The following PLPPR1 variants were observed in gnomAD, a reference collection of about 807,000 sequenced individuals.
PLPPR1 encodes phospholipid phosphatase related 1, also known as phospholipid phosphatase-related protein type 1.
PLPPR1 carries 10 observed loss-of-function variants against 33.1 expected under a neutral mutation model. The observed-to-expected ratio is 0.30, with a 90% confidence interval of 0.19 to 0.51. The LOEUF is 0.51. Among genes scored for constraint, PLPPR1 ranks in the 20% least tolerant of loss-of-function variants. PLPPR1 has a pLI of 0.97. For missense variants in PLPPR1, 304 were observed against 408.1 expected (o/e 0.74, Z 2.20); for synonymous variants, 151 against 151.0 (o/e 1.00, Z 0.00).
chr9:101,196,905 A>G (rs1826407056), intron 2 of PLPPR1, among the ~76,000 whole-genome samples: 1 of 152,104 alleles, frequency 6.6e-6, no homozygotes, highest in Admixed American at 6.5e-5. Context: ...CCTCGTGAGG[A>G]AATATTCAAA....
intron 1 of PLPPR1, among the ~76,000 whole-genome samples, chr9:101,119,487 A>C (rs1356667808): frequency 1.4e-4 from 22 of 152,240 alleles, no homozygotes. Flanking sequence ...AGGTATCTGC[A>C]TGTGAGAGTG....
intron 1 of PLPPR1, among the ~76,000 whole-genome samples, chr9:101,155,024 T>C (rs948715771): frequency 2.0e-5 from 3 of 150,326 alleles, no homozygotes; most frequent in African/African-American, 4.9e-5. Flanking sequence ...GATGAGTTAA[T>C]GGGTGTAGCA....
intron 1 of PLPPR1, among the ~76,000 whole-genome samples, chr9:101,146,918 T>C (rs75409833): frequency 0.018 from 2,757 of 152,336 alleles, 86 homozygotes; most frequent in African/African-American, 0.063. Context: ...TTTAAGAAAC[T>C]TCTGTTTCTG....
chr9:101,200,025 C>A (rs534101285), intron 2 of PLPPR1, among the ~76,000 whole-genome samples: 2 of 152,096 alleles, frequency 1.3e-5, no homozygotes, highest in Non-Finnish European at 2.9e-5. Context: ...TCCCCAGGGG[C>A]CTTGCAAACA....
chr9:101,060,046 T>A (rs184008270), intron 1 of PLPPR1, among the ~76,000 whole-genome samples: 1 of 152,042 alleles, frequency 6.6e-6, no homozygotes, highest in African/African-American at 2.4e-5. Flanking sequence ...TGATTCACAA[T>A]AGCTAAGATA....
intron 1 of PLPPR1, among the ~76,000 whole-genome samples, chr9:101,039,922 T>TAAA (rs36061660): frequency 7.4e-6 from 1 of 134,970 alleles, no homozygotes; most frequent in Non-Finnish European, 1.6e-5. Context: ...TATTGCCTCC[T>TAAA]AAAAAAAAAA....
intron 4 of PLPPR1, among the ~76,000 whole-genome samples, chr9:101,306,292 G>T (rs1828857947): frequency 6.6e-6 from 1 of 152,198 alleles, no homozygotes; most frequent in South Asian, 2.1e-4. Context: ...CTGGAGATTT[G>T]TATTTCCCAG....
chr9:101,252,142 G>T (rs916192517), intron 2 of PLPPR1, among the ~76,000 whole-genome samples: 3 of 152,058 alleles, frequency 2.0e-5, no homozygotes, highest in Non-Finnish European at 4.4e-5. Context: ...GCTATGTATG[G>T]CCACTTAAAT....
intron 1 of PLPPR1, among the ~76,000 whole-genome samples, chr9:101,135,866 A>G (rs1244932755): frequency 2.0e-5 from 3 of 152,162 alleles, no homozygotes; most frequent in African/African-American, 4.8e-5. Flanking sequence ...CAGGCTCTCA[A>G]TGAAGAAAGG....
chr9:101,318,054 G>A (rs1829087557), intron 7 of PLPPR1, among the ~76,000 whole-genome samples: 1 of 152,194 alleles, frequency 6.6e-6, no homozygotes, highest in Non-Finnish European at 1.5e-5. Flanking sequence ...ATAAGGAGCA[G>A]GCATGGTGGC....
At chr9:101,159,382 A>G (rs749381078) in intron 1 of PLPPR1, among the ~76,000 whole-genome samples, 17 of 152,202 alleles carry the variant, frequency 1.1e-4, no homozygotes, top group Non-Finnish European at 2.2e-4. Context: ...TTTTTCTTTG[A>G]AATTTGGGTA....
At chr9:101,124,457 T>C (rs1268183159) in intron 1 of PLPPR1, among the ~76,000 whole-genome samples, 5 of 152,234 alleles carry the variant, frequency 3.3e-5, no homozygotes, top group African/African-American at 9.6e-5. Context: ...TGCGGTTTTC[T>C]TGATCTGTTC....
At chr9:101,164,442 A>G (rs992431973) in intron 1 of PLPPR1, among the ~76,000 whole-genome samples, 6 of 150,340 alleles carry the variant, frequency 4.0e-5, no homozygotes, top group African/African-American at 1.5e-4. Flanking sequence ...GGCTCATTGC[A>G]ACCTCTGCCT....
chr9:101,254,460 A>G (rs1827763806), intron 2 of PLPPR1, among the ~76,000 whole-genome samples: 1 of 152,104 alleles, frequency 6.6e-6, no homozygotes, highest in African/African-American at 2.4e-5. Context: ...GTAAATACAG[A>G]AGAAGCTTTG....
chr9:101,030,772 G>A (rs1829935789), intron 1 of PLPPR1, among the ~76,000 whole-genome samples: 2 of 152,000 alleles, frequency 1.3e-5, no homozygotes, highest in South Asian at 4.2e-4. Flanking sequence ...ATGACAGGTT[G>A]GGGAGTCTCT....
At chr9:101,117,650 C>T (rs1322027353) in intron 1 of PLPPR1, among the ~76,000 whole-genome samples, 1 of 144,216 alleles carries the variant, frequency 6.9e-6, no homozygotes, top group Non-Finnish European at 1.5e-5. Flanking sequence ...AATAAACTTG[C>T]TTTCACTTAA....
intron 2 of PLPPR1, among the ~76,000 whole-genome samples, chr9:101,209,288 A>G (rs544058378): frequency 6.6e-6 from 1 of 152,378 alleles, no homozygotes; most frequent in South Asian, 2.1e-4. Flanking sequence ...AATGAAATGA[A>G]TAAACTAAGC....
In PLPPR1 at chr9:101,160,933, T is replaced by C. The variant is rs534369228; in HGVS notation, c.-45-24517T>C. Among the ~76,000 whole-genome samples, 16 of 152,320 alleles carry C rather than the reference T, an allele frequency of 1.1e-4. No homozygotes were observed. In the South Asian group the frequency reaches 1.2e-3, roughly 12 times the overall value. On this transcript the variant is annotated intron_variant, in intron 1 of 7. Transcript: ENST00000374874. ...CGGATGGTTGACTGGATATAAAACA[T>C]TATACCCCTTCAGCTATTAAAGCTG...
chr9:101,185,665 T>C, intron 2 of PLPPR1, 108 bp downstream of exon 2: 2 of 654,648 alleles, frequency 3.1e-6, no homozygotes, highest in Non-Finnish European at 5.2e-6. Context: ...GGTAAGTCAA[T>C]TTTGATAGCA....
Sources: gnomAD v4.1 joint callset for allele counts (sites outside exome capture counted in the v4.1 genomes callset) on GRCh38, gnomAD v4.1.1 for gene constraint, MANE v1.5 for transcripts, NCBI Gene and HGNC (gene_info 2026-07-23, HGNC 2026-07-21) for gene names.